The following MAK variants were observed in gnomAD, a reference collection of about 807,000 sequenced individuals.
MAK encodes male germ cell associated kinase, also known as serine/threonine-protein kinase MAK.
Under a neutral mutation model 82.6 loss-of-function variants are expected in MAK, and 65 were observed. The ratio of observed to expected loss-of-function variants is 0.79; its 90% CI spans 0.64 to 0.97. MAK has a LOEUF of 0.97. Among genes scored for constraint, MAK ranks in the 50% least tolerant of loss-of-function variants. The pLI is 0.00. For synonymous variants in MAK, 250 were observed against 274.2 expected, an observed-to-expected ratio of 0.91 and a Z score of 0.87; for missense variants, 703 against 780.2, an observed-to-expected ratio of 0.90 and a Z score of 1.18.
At chr6:10,823,721 G>A (rs1778133442) in intron 2 of MAK, among the ~76,000 whole-genome samples, 1 of 151,908 alleles carries the variant, frequency 6.6e-6, no homozygotes. Flanking sequence ...GTAGAGATGG[G>A]ATTTCACCTT....
At chr6:10,805,873 C>T (rs952432790) in intron 6 of MAK, among the ~76,000 whole-genome samples, 2 of 152,318 alleles carry the variant, frequency 1.3e-5, no homozygotes, top group East Asian at 3.9e-4. Context: ...TCTCTGTCTG[C>T]CTTCTTTTTA....
chr6:10,810,948 C>T (rs1263670761), intron 5 of MAK, among the ~76,000 whole-genome samples: 1 of 152,164 alleles, frequency 6.6e-6, no homozygotes, highest in Admixed American at 6.6e-5. Flanking sequence ...ATTAATAATT[C>T]AGTCCTATTT....
rs528244883 is a variant in MAK, at chr6:10,802,075, A to G, written c.664-16T>C. On this transcript the variant is annotated splice_polypyrimidine_tract_variant and intron_variant, in intron 7 of 14. Transcript: ENST00000354489. ...GCCAGTCACTCTGTTTCAGGAATAT[A>G]TAAGTGCAGGTGGGGAGGGCAAAAC... is the stretch of plus-strand genomic sequence containing the variant. 41 of 1,613,260 alleles carry G rather than the reference A, an allele frequency of 2.5e-5. No individual in the cohort carries two copies. The Middle Eastern group carries it at 5.0e-4, about 19-fold the overall frequency.
chr6:10,812,200 AAAT>A (rs908555152), intron 5 of MAK, among the ~76,000 whole-genome samples: 24 of 152,088 alleles, frequency 1.6e-4, no homozygotes, highest in African/African-American at 5.8e-4. Context: ...ATCCTGTCTC[AAAT>A]AATAATAATA....
chr6:10,777,424 T>C (rs1199512678), intron 11 of MAK, among the ~76,000 whole-genome samples: 1 of 145,282 alleles, frequency 6.9e-6, no homozygotes, highest in African/African-American at 2.5e-5. Flanking sequence ...AAAAAAAAAA[T>C]GTATTTACCC....
intron 1 of MAK, chr6:10,838,142 C>G (rs954807022): frequency 1.3e-5 from 2 of 152,446 alleles, no homozygotes; most frequent in African/African-American, 4.8e-5. Flanking sequence ...GTGGGAGATC[C>G]CGGAGGAGAG....
intron 5 of MAK, 61 bp downstream of exon 5, chr6:10,813,583 G>T: frequency 1.1e-6 from 1 of 935,018 alleles, no homozygotes; most frequent in Non-Finnish European, 1.8e-6. Flanking sequence ...TAATAAATTT[G>T]TATGCACAAT....
At chr6:10,782,051 AC>A (rs1439262754) in intron 11 of MAK, among the ~76,000 whole-genome samples, 1 of 152,102 alleles carries the variant, frequency 6.6e-6, no homozygotes, top group Non-Finnish European at 1.5e-5. Context: ...ACTAAAACAT[AC>A]AAAAATTAGC....
chr6:10,767,017 T>C (rs997057336), intron 14 of MAK, among the ~76,000 whole-genome samples: 2 of 147,860 alleles, frequency 1.4e-5, no homozygotes, highest in African/African-American at 5.4e-5. Flanking sequence ...ACCTAACAGC[T>C]GAGAGGAGCC....
At chr6:10,772,755 TC>T (rs540166034) in intron 13 of MAK, among the ~76,000 whole-genome samples, 26 of 152,238 alleles carry the variant, frequency 1.7e-4, no homozygotes, top group Non-Finnish European at 3.7e-4. Flanking sequence ...TTGATTCTTT[TC>T]ATTAGAATTA....
In MAK at chr6:10,764,309, A is replaced by G; in HGVS notation, c.*143T>C. 1.3e-6 allele frequency: 1 copy of G among 752,434 alleles called. No homozygotes were observed. Among genetic ancestry groups the G allele is most frequent in the Non-Finnish European group, 2.1e-6 (1 of 465,826 alleles). 46.6% of individuals were successfully genotyped at this position (752,434 alleles called of 1,614,324 possible). ...TTCTTGGAAATAAGTAAAATAGGGG[A>G]TGATTTTTGCCCTTCCAAGTACCCA... On this transcript the variant is annotated 3_prime_UTR_variant, in exon 15 of 15. Transcript: ENST00000354489.
chr6:10,810,351 T>C (rs1485014601), intron 5 of MAK, among the ~76,000 whole-genome samples: 1 of 142,830 alleles, frequency 7.0e-6, no homozygotes, highest in Non-Finnish European at 1.6e-5. Flanking sequence ...TTTTCTTTTT[T>C]TTTTTTTTTT....
intron 14 of MAK, among the ~76,000 whole-genome samples, chr6:10,765,471 T>TTTTTTTTTTTTTTTTTA (rs1561923828): frequency 5.2e-5 from 6 of 115,060 alleles, no homozygotes; most frequent in African/African-American, 2.0e-4. Context: ...TTTTTTTTTT[T>TTTTTTTTTTTTTTTTTA]TTAATGAGGC....
At chr6:10,781,561 T>C (rs1477842093) in intron 11 of MAK, among the ~76,000 whole-genome samples, 1 of 151,684 alleles carries the variant, frequency 6.6e-6, no homozygotes, top group Non-Finnish European at 1.5e-5. Context: ...GTAGCTGGGA[T>C]TACAGGCACC....
intron 14 of MAK, among the ~76,000 whole-genome samples, chr6:10,765,476 T>A (rs1230857161): frequency 6.9e-6 from 1 of 145,480 alleles, no homozygotes; most frequent in Non-Finnish European, 1.5e-5. Context: ...TTTTTTTTAA[T>A]GAGGCAGAGT....
chr6:10,788,664 A>T (rs1017428479), intron 10 of MAK, among the ~76,000 whole-genome samples: 3 of 152,094 alleles, frequency 2.0e-5, no homozygotes, highest in African/African-American at 7.2e-5. Context: ...TGAACCCTGG[A>T]GGCAGAGGTT....
At position 10,813,637 on chromosome 6, in the gene MAK, A is replaced by C. The variant is rs1340187144; in HGVS notation, c.358+7T>G. The C allele has an allele frequency of 1.3e-6, 2 of 1,527,718 alleles. No individual in the cohort carries two copies. Among genetic ancestry groups the C allele is most frequent in the South Asian group, 1.1e-5 (1 of 89,186 alleles). The allele number at this position is 1,527,718 out of a possible 1,614,324, so 94.6% of individuals were successfully genotyped here. A position where few individuals can be genotyped will look rare whatever the true frequency, so the allele number is the denominator to read the frequency against. Reference sequence around the variant, plus strand: ...AGGTAGGGAAATTAAACTTAAAAGAAACCTACCATGTTTATGGATAAAAGC... The same window carrying C: ...AGGTAGGGAAATTAAACTTAAAAGACACCTACCATGTTTATGGATAAAAGC... On this transcript the variant is annotated splice_region_variant and intron_variant, in intron 5 of 14. Coordinates refer to ENST00000354489, the MANE Select transcript of MAK (RefSeq NM_001242957.3).
chr6:10,780,367 A>G (rs1773846314), intron 11 of MAK: 1 of 331,200 alleles, frequency 3.0e-6, no homozygotes. Flanking sequence ...ATCCTTTGAC[A>G]AAAGTTTGCA....
Position 10,808,906 on chromosome 6 carries a change from A to C in MAK, c.395T>G (p.Leu132Arg). Reference sequence around the variant, plus strand: ...TTTCACAAGCTCTGGACCCATACAAAGCAAGTTTTCTGGTTTCATGTCCCT... The same window carrying C: ...TTTCACAAGCTCTGGACCCATACAACGCAAGTTTTCTGGTTTCATGTCCCT... Reference protein sequence around the residue: ...FHRDMKPENLLCMGPELVKIA... With the variant: ...FHRDMKPENLRCMGPELVKIA... Residue 132 changes from leucine (L) to arginine (R), a missense_variant, in exon 6 of 15, where the codon CTT (leucine) becomes CGT (arginine). Transcript: ENST00000354489. 2 of 1,613,984 alleles carry C rather than the reference A, an allele frequency of 1.2e-6. No individual in the cohort carries two copies. The highest frequency in any genetic ancestry group is 1.7e-6 in the Non-Finnish European group (2 of 1,179,912).
Sources: gnomAD v4.1 joint callset for allele counts (sites outside exome capture counted in the v4.1 genomes callset) on GRCh38, gnomAD v4.1.1 for gene constraint, MANE v1.5 for transcripts, NCBI Gene and HGNC (gene_info 2026-07-23, HGNC 2026-07-21) for gene names.